The following STK3 variants were observed in gnomAD, a reference collection of about 807,000 sequenced individuals.
STK3 encodes the protein serine/threonine-protein kinase 3.
A neutral mutation model predicts 58.0 loss-of-function variants in STK3; 41 were observed. That is an observed-to-expected ratio of 0.71 (90% CI 0.55 to 0.92). The LOEUF is 0.92. STK3 is among the 40% of genes least tolerant of loss of function. The probability of loss-of-function intolerance (pLI) is 0.00; values close to 1 mark genes in which losing one functional copy is unlikely to be tolerated. For synonymous variants in STK3, 170 were observed against 191.0 expected (o/e 0.89, Z 0.91); for missense variants, 479 against 602.7 (o/e 0.79, Z 2.15).
chr8:98,612,686 G>A (rs561759923), intron 6 of STK3, among the ~76,000 whole-genome samples: 2 of 152,090 alleles, frequency 1.3e-5, no homozygotes, highest in South Asian at 2.1e-4. Context: ...ATGAAGAGAA[G>A]AACACCATGG....
chr8:98,371,547 G>T (rs992920308), exon 3 of STK3: 1 of 152,222 alleles, frequency 6.6e-6, no homozygotes, highest in East Asian at 1.9e-4. Flanking sequence ...ACATCAGAGG[G>T]GAGCCAGCAG....
At chr8:98,359,428 C>T in the STK3 span, among the ~76,000 whole-genome samples, 3 of 141,268 alleles carry the variant, frequency 2.1e-5, no homozygotes, top group Non-Finnish European at 4.5e-5. Context: ...GAGGCTGAGG[C>T]GGGAGAATCA....
chr8:98,775,242 T>C (rs1018042307), intron 1 of STK3, among the ~76,000 whole-genome samples: 2 of 152,168 alleles, frequency 1.3e-5, no homozygotes, highest in African/African-American at 4.8e-5. Flanking sequence ...CTGAAATTTT[T>C]TGAGCACCAA....
At chr8:98,724,577 T>C (rs539479659) in intron 4 of STK3, among the ~76,000 whole-genome samples, 1 of 152,130 alleles carries the variant, frequency 6.6e-6, no homozygotes, top group Admixed American at 6.6e-5. Flanking sequence ...ATCTGAACTT[T>C]TAGGAAGAAA....
At chr8:98,942,408 C>T (rs1274686907) in exon 1 of STK3, 3 of 152,298 alleles carry the variant, frequency 2.0e-5, no homozygotes, top group Non-Finnish European at 4.4e-5. Flanking sequence ...GTGCCCAGAA[C>T]GCCGGCGTGG....
At chr8:98,712,062 A>C (rs976713174) in intron 4 of STK3, among the ~76,000 whole-genome samples, 8 of 152,252 alleles carry the variant, frequency 5.3e-5, no homozygotes, top group South Asian at 2.1e-4. Context: ...GAAATAAAAT[A>C]CTTTACAGAC....
chr8:98,463,308 T>C (rs1284533042), intron 10 of STK3, among the ~76,000 whole-genome samples: 1 of 152,160 alleles, frequency 6.6e-6, no homozygotes, highest in Non-Finnish European at 1.5e-5. Context: ...TTGTTAGTGA[T>C]AGCCCTTGAT....
At chr8:98,768,541 G>T (rs1449525452) in intron 2 of STK3, among the ~76,000 whole-genome samples, 2 of 152,144 alleles carry the variant, frequency 1.3e-5, no homozygotes, top group Non-Finnish European at 2.9e-5. Context: ...CATTGGGCTG[G>T]GTGTGGGGGA....
At chr8:98,350,646 T>A in the STK3 span, among the ~76,000 whole-genome samples, 1 of 152,198 alleles carries the variant, frequency 6.6e-6, no homozygotes, top group Non-Finnish European at 1.5e-5. Flanking sequence ...CTCACAATCA[T>A]GGCAGAAGGT....
At chr8:98,930,305 G>A (rs1304052296) in intron 1 of STK3, among the ~76,000 whole-genome samples, 1 of 152,176 alleles carries the variant, frequency 6.6e-6, no homozygotes, top group Non-Finnish European at 1.5e-5. Context: ...GCCAGAAACT[G>A]CAGCTGCCGC....
chr8:98,774,462 C>T (rs1386152160), intron 2 of STK3, among the ~76,000 whole-genome samples: 1 of 152,112 alleles, frequency 6.6e-6, no homozygotes, highest in East Asian at 1.9e-4. Flanking sequence ...AATAAGAATG[C>T]CGTAAGGGAT....
chr8:98,809,083 C>T (rs901071051), intron 1 of STK3, among the ~76,000 whole-genome samples: 2 of 152,176 alleles, frequency 1.3e-5, no homozygotes, highest in African/African-American at 4.8e-5. Flanking sequence ...TGATGCACCC[C>T]AACTCCATGG....
chr8:98,364,892 G>A, the STK3 span, among the ~76,000 whole-genome samples: 1 of 152,204 alleles, frequency 6.6e-6, no homozygotes, highest in Non-Finnish European at 1.5e-5. Flanking sequence ...TCATGTACTG[G>A]TCTTAGGTGC....
intron 3 of STK3, among the ~76,000 whole-genome samples, chr8:98,395,769 T>C (rs968339267): frequency 6.2e-4 from 94 of 152,292 alleles, no homozygotes; most frequent in African/African-American, 2.2e-3. Flanking sequence ...ACAAACAATG[T>C]TAGTAAACCA....
Position 98,428,195 on chromosome 8 carries a change from C to A in STK3, n.483+5932G>T. ...ACGTCCAGCGGGAGTTCTACTTCGACCGCAACCCTGAGCTCTTCCCCTACG... is the reference window on the plus strand; with the variant it reads ...ACGTCCAGCGGGAGTTCTACTTCGAACGCAACCCTGAGCTCTTCCCCTACG... On this transcript the variant is annotated intron_variant and non_coding_transcript_variant, in intron 3 of 3. Coordinates refer to the STK3 transcript ENST00000517832. This position sits in a 1 kb window ranked among gnomAD's most constrained non-coding sequence, Gnocchi z 6.7. The A allele has an allele frequency of 6.2e-7, 1 of 1,614,104 alleles. No homozygotes were observed. The highest frequency in any genetic ancestry group is 1.1e-5 in the South Asian group (1 of 91,078).
In STK3 at chr8:98,372,180, C is replaced by G. The variant is rs149203950; in HGVS notation, n.112-502G>C. On this transcript the variant is annotated intron_variant and non_coding_transcript_variant, in intron 2 of 2. Transcript: ENST00000518704. ...AAAGGCAAGGAAAGAGTCTCAGACT[C>G]TGGGTCTTAGAGGGAACATGGCTTG... is the stretch of plus-strand genomic sequence containing the variant. Among the ~76,000 whole-genome samples, 298 of 152,326 alleles carry G rather than the reference C, an allele frequency of 2.0e-3. 2 individuals carry two copies. The highest frequency in any genetic ancestry group is 6.5e-3 in the African/African-American group (269 of 41,560).
At chr8:98,631,254 T>G (rs1433980916) in intron 6 of STK3, among the ~76,000 whole-genome samples, 1 of 152,174 alleles carries the variant, frequency 6.6e-6, no homozygotes, top group African/African-American at 2.4e-5. Flanking sequence ...ACCATTCCTC[T>G]GCTCAAAACC....
At chr8:98,415,810 A>T (rs1818108839) in intron 3 of STK3, among the ~76,000 whole-genome samples, 1 of 152,212 alleles carries the variant, frequency 6.6e-6, no homozygotes, top group Admixed American at 6.5e-5. Context: ...ATCTAATATA[A>T]TTAAAATAAT....
rs536388495 is a variant in STK3, at chr8:98,871,713, C to A, written c.110+11934G>T. ...ATTTTGTATCCTGAGACTTTGCTGACGTTGCTTATCAGTTTAAGGAGATTT... is the reference window on the plus strand; with the variant it reads ...ATTTTGTATCCTGAGACTTTGCTGAAGTTGCTTATCAGTTTAAGGAGATTT... On this transcript the variant is annotated intron_variant, in intron 3 of 12. Coordinates refer to the STK3 transcript ENST00000523601. Among the ~76,000 whole-genome samples, 8 of 152,182 alleles carry A rather than the reference C, an allele frequency of 5.3e-5. No homozygotes were observed. In the South Asian group the frequency reaches 8.3e-4, roughly 16 times the overall value.
Sources: gnomAD v4.1 joint callset for allele counts (sites outside exome capture counted in the v4.1 genomes callset) on GRCh38, gnomAD v4.1.1 for gene constraint, Gnocchi (gnomAD v3.1) non-coding constraint, MANE v1.5 for transcripts, NCBI Gene and HGNC (gene_info 2026-07-23, HGNC 2026-07-21) for gene names.